The following TNRC18 variants were observed in gnomAD, a reference collection of about 807,000 sequenced individuals.
The protein encoded by TNRC18 is trinucleotide repeat containing 18.
In TNRC18, 69 loss-of-function variants were observed where a neutral mutation model predicts 226.7. The ratio of observed to expected loss-of-function variants is 0.30; its 90% CI spans 0.25 to 0.37. The LOEUF (loss-of-function observed/expected upper bound fraction) is 0.37. Ranked by LOEUF, TNRC18 falls within the 10% of genes least tolerant of loss-of-function variation. The pLI, the probability that TNRC18 is intolerant of heterozygous loss-of-function variation, is 1.00. For missense variants in TNRC18, 4,754 were observed against 4,256.6 expected (o/e 1.12, Z -3.25); for synonymous variants, 2,449 against 1,927.6 (o/e 1.27, Z -7.09).
chr7:5,411,274 C>A (rs1584112933), intron 2 of TNRC18, among the ~76,000 whole-genome samples: 1 of 148,140 alleles, frequency 6.8e-6, no homozygotes, highest in Admixed American at 6.7e-5. Flanking sequence ...AAGGTTCATA[C>A]ACAAAGATCA....
intron 18 of TNRC18, 45 bp downstream of exon 18, chr7:5,345,517 G>GGGGGGGGGGGGGGCCCCCCCCCCCCCCCC: frequency 2.6e-6 from 1 of 377,744 alleles, no homozygotes. Context: ...AATGGCGTCC[G>GGGGGGGGGGGGGGCCCCCCCCCCCCCCCC]CCCCTCCCAC....
intron 5 of TNRC18, among the ~76,000 whole-genome samples, chr7:5,385,105 T>C (rs13234174): frequency 0.85 from 128,920 of 152,256 alleles, 55,177 homozygotes; most frequent in East Asian, 1. Flanking sequence ...GAGACATGGC[T>C]GTGCAGGAAG....
chr7:5,421,124 C>G lies in TNRC18; in HGVS notation c.123G>C (p.Ser41=). 6.9e-7 allele frequency: 1 copy of G among 1,458,352 alleles called. No individual in the cohort carries two copies. The allele number at this position is 1,458,352 out of a possible 1,614,324, so 90.3% of individuals were successfully genotyped here. A position where few individuals can be genotyped will look rare whatever the true frequency, so the allele number is the denominator to read the frequency against. ...CGGGCGGCAGCGGGCCGGGCAAGCC[C>G]GAGGCGGGCAAGCGTCCGGCAGTGG... ...GAATAGRLPA[S]GLPGPLPPGK... The change falls in exon 2 of 30, where the codon TCG becomes TCC. Residue 41 remains serine (S), a synonymous_variant. Coordinates refer to ENST00000430969, the MANE Select transcript of TNRC18 (RefSeq NM_001080495.3).
At chr7:5,334,054 G>T (rs76726733) in intron 18 of TNRC18, among the ~76,000 whole-genome samples, 33 of 152,282 alleles carry the variant, frequency 2.2e-4, no homozygotes, top group Admixed American at 3.9e-4. Flanking sequence ...TTCACTCAGG[G>T]ATGCAATCTC....
At chr7:5,319,092 AG>A (rs533438812) in intron 24 of TNRC18, among the ~76,000 whole-genome samples, 3 of 152,208 alleles carry the variant, frequency 2.0e-5, no homozygotes, top group Non-Finnish European at 2.9e-5. Context: ...CTCCCAGTAC[AG>A]GGGGACAGCA....
chr7:5,389,057 G>C lies in TNRC18; in HGVS notation c.767C>G (p.Pro256Arg). ...RAEGRQDRGP[P>R]RLAERLSPFL... Reference sequence around the variant, plus strand: ...GGGCGACAGGCGCTCAGCCAGGCGCGGGGGCCCCCGGTCCTGGCGGCCCTC... The same window carrying C: ...GGGCGACAGGCGCTCAGCCAGGCGCCGGGGCCCCCGGTCCTGGCGGCCCTC... Residue 256 changes from proline to arginine, a missense_variant, in exon 5 of 30, where the codon CCG (proline) becomes CGG (arginine). By Grantham distance (103) the Pro-to-Arg change is moderately radical. Transcript: ENST00000430969. The C allele has an allele frequency of 7.8e-7, 1 of 1,283,420 alleles. No homozygotes were observed. The highest frequency in any genetic ancestry group is 9.9e-7 in the Non-Finnish European group (1 of 1,006,660). The allele number at this position is 1,283,420 out of a possible 1,614,324, so 79.5% of individuals were successfully genotyped here. A position where few individuals can be genotyped will look rare whatever the true frequency, so the allele number is the denominator to read the frequency against.
Position 5,370,767 on chromosome 7 carries a change from T to G in TNRC18, c.3827A>C (p.Glu1276Ala), listed in dbSNP as rs1180782589. Residue 1276 changes from glutamate to alanine, a missense_variant, in exon 11 of 30, where the codon GAG becomes GCG. By Grantham distance (107) the Glu-to-Ala change is moderately radical. Coordinates refer to ENST00000430969, the MANE Select transcript of TNRC18 (RefSeq NM_001080495.3). The part of the protein sequence containing the change: ...VAVPVVEAVP[E>A]EGLAQVAPSE... ...CGGTGCCACCTGCGCCAGGCCTTCCTCGGGCACTGCCTCCACCACGGGCAC... is the reference window on the plus strand; with the variant it reads ...CGGTGCCACCTGCGCCAGGCCTTCCGCGGGCACTGCCTCCACCACGGGCAC... 1 of 1,603,728 alleles carries G rather than the reference T, an allele frequency of 6.2e-7. No individual in the cohort carries two copies. The highest frequency in any genetic ancestry group is 8.5e-7 in the Non-Finnish European group (1 of 1,175,942).
Position 5,361,898 on chromosome 7 carries a change from C to G in TNRC18, c.4531G>C (p.Glu1511Gln). The G allele has an allele frequency of 6.4e-7, 1 of 1,557,850 alleles. No homozygotes were observed. Among genetic ancestry groups the G allele is most frequent in the Non-Finnish European group, 8.7e-7 (1 of 1,153,186 alleles). Residue 1511 changes from glutamate to glutamine, a missense_variant and splice_region_variant, in exon 13 of 30, where the codon GAG becomes CAG. Coordinates refer to ENST00000430969, the MANE Select transcript of TNRC18 (RefSeq NM_001080495.3). ...LVKLQRRRDS[E>Q]DRREEPHRSL... is the part of the protein sequence containing the mutation. ...GGGGCGGGCGGGGGACACACTCACT[C>G]GGAGTCCCGGCGGCGCTGCAGCTTC...
Position 5,388,020 on chromosome 7 carries a change from C to T in TNRC18, c.1804G>A (p.Val602Met), listed in dbSNP as rs759862169. The T allele has an allele frequency of 8.9e-6, 14 of 1,573,568 alleles. No homozygotes were observed. Among genetic ancestry groups the T allele is most frequent in the African/African-American group, 1.4e-5 (1 of 73,958 alleles). Residue 602 changes from valine to methionine, a missense_variant, in exon 5 of 30, where the codon GTG becomes ATG. By Grantham distance (21) the Val-to-Met change is conservative (BLOSUM62 1). Transcript: ENST00000430969. ...TTCTTGCCACAGCCACCAGGGCGCA[C>T]GGCCACGGCGTCCCGGGCAAAGCTG... ...SGSFARDAVAVRPGGCGKKSP... is the reference protein window; with the variant it reads ...SGSFARDAVAMRPGGCGKKSP...
In TNRC18 at chr7:5,325,267, G is replaced by C; in HGVS notation, c.6148-19C>G. 3.2e-6 allele frequency: 5 copies of C among 1,546,214 alleles called. No individual in the cohort carries two copies. Among genetic ancestry groups the C allele is most frequent in the Non-Finnish European group, 3.5e-6 (4 of 1,152,332 alleles). ...TCTTCTTCTGGAGGAGGAAGCAGCA[G>C]AGAGGAGCCATCAAACGGCAGGGAA... On this transcript the variant is annotated intron_variant, in intron 19 of 29. Transcript: ENST00000430969.
chr7:5,378,914 G>A (rs1399569725), intron 5 of TNRC18, among the ~76,000 whole-genome samples: 1 of 150,522 alleles, frequency 6.6e-6, no homozygotes, highest in Non-Finnish European at 1.5e-5. Flanking sequence ...GCCAGGCGAG[G>A]TGGCTCACAC....
rs1041462008 is a variant in TNRC18, at chr7:5,324,457, G to A, written c.6301-102C>T. ...ACCTGGAGCCACAGTCAGGCCGCAGGGGGAATCTGTCATGTGCATGGCAGG... is the reference window on the plus strand; with the variant it reads ...ACCTGGAGCCACAGTCAGGCCGCAGAGGGAATCTGTCATGTGCATGGCAGG... On this transcript the variant is annotated intron_variant, in intron 20 of 29. Transcript: ENST00000430969. The surrounding 1 kb of genome is among the most constrained non-coding windows in gnomAD (Gnocchi z 4.8). 1 of 1,481,810 alleles carries A rather than the reference G, an allele frequency of 6.7e-7. No individual in the cohort carries two copies. Among genetic ancestry groups the A allele is most frequent in the Non-Finnish European group, 9.2e-7 (1 of 1,092,482 alleles). 91.8% of individuals were successfully genotyped at this position (1,481,810 alleles called of 1,614,324 possible).
At chr7:5,308,785 G>C (rs1786874847) in intron 29 of TNRC18, 90 bp downstream of exon 29, 2 of 1,403,588 alleles carry the variant, frequency 1.4e-6, no homozygotes, top group South Asian at 1.3e-5. Context: ...GGGGGACAGA[G>C]CAGCAGATGC....
chr7:5,362,124 G>C (rs967962032), intron 12 of TNRC18, 91 bp from the exon 13 acceptor site: 30 of 1,492,594 alleles, frequency 2.0e-5, no homozygotes, highest in Non-Finnish European at 2.7e-5. Context: ...TGAGGAAGGG[G>C]AGACTGCACT....
At chr7:5,331,789 A>G (rs1789550968) in intron 19 of TNRC18, among the ~76,000 whole-genome samples, 1 of 152,196 alleles carries the variant, frequency 6.6e-6, no homozygotes, top group African/African-American at 2.4e-5. Flanking sequence ...ATGCACCTGT[A>G]GTCCCAGCTA....
Position 5,394,490 on chromosome 7 carries a change from G to A in TNRC18, c.293C>T (p.Thr98Ile), listed in dbSNP as rs1399722891. 3 of 1,562,318 alleles carry A rather than the reference G, an allele frequency of 1.9e-6. No individual in the cohort carries two copies. Among genetic ancestry groups the A allele is most frequent in the Non-Finnish European group, 2.6e-6 (3 of 1,154,754 alleles). Residue 98 changes from threonine to isoleucine, a missense_variant, in exon 3 of 30, where the codon ACC (threonine) becomes ATC (isoleucine). By Grantham distance (89) the Thr-to-Ile change is moderately conservative (BLOSUM62 -1). Coordinates refer to ENST00000430969, the MANE Select transcript of TNRC18 (RefSeq NM_001080495.3). The surrounding 1 kb of genome is among the most constrained non-coding windows in gnomAD (Gnocchi z 4.5). ...CTGCACCATGGGCAGGTTGCTAGGGGTTGGGGAGCGGAAAGACAGGTCAGA... is the reference window on the plus strand; with the variant it reads ...CTGCACCATGGGCAGGTTGCTAGGGATTGGGGAGCGGAAAGACAGGTCAGA... ...LPSDLSFRSP[T>I]PSNLPMVQLW...
chr7:5,319,859 C>G (rs1253717894), intron 24 of TNRC18, among the ~76,000 whole-genome samples: 1 of 152,284 alleles, frequency 6.6e-6, no homozygotes, highest in South Asian at 2.1e-4. Flanking sequence ...GGAAGCCACC[C>G]TCCCATCTTT....
At chr7:5,397,445 T>C (rs1780773329) in intron 2 of TNRC18, among the ~76,000 whole-genome samples, 1 of 152,124 alleles carries the variant, frequency 6.6e-6, no homozygotes, top group Admixed American at 6.5e-5. Flanking sequence ...CAGGGCTCAA[T>C]GGCACCCAAA....
intron 2 of TNRC18, among the ~76,000 whole-genome samples, chr7:5,417,389 C>A (rs1782258469): frequency 1.3e-5 from 2 of 151,258 alleles, no homozygotes; most frequent in Admixed American, 1.3e-4. Flanking sequence ...AGGATGGACT[C>A]AGCCTGGGAG....
Sources: gnomAD v4.1 joint callset for allele counts (sites outside exome capture counted in the v4.1 genomes callset) on GRCh38, gnomAD v4.1.1 for gene constraint, Gnocchi (gnomAD v3.1) non-coding constraint, MANE v1.5 for transcripts, NCBI Gene and HGNC (gene_info 2026-07-23, HGNC 2026-07-21) for gene names.